Variants in ZNF683 observed in about 807,000 individuals in gnomAD.
ZNF683 encodes zinc finger protein 683.
In ZNF683, 20 loss-of-function variants were observed where a neutral mutation model predicts 31.4. The observed-to-expected ratio is 0.64, with a 90% confidence interval of 0.45 to 0.93. The LOEUF is 0.93. Ranked by LOEUF, ZNF683 falls within the 40% of genes least tolerant of loss-of-function variation. The pLI, the probability that ZNF683 is intolerant of heterozygous loss-of-function variation, is 0.00. For missense variants in ZNF683, 621 were observed against 637.2 expected (o/e 0.97, Z 0.27); for synonymous variants, 264 against 267.6 (o/e 0.99, Z 0.13).
At chr1:26,364,433 C>T in intron 4 of ZNF683, 99 bp downstream of exon 4, 1 of 1,388,946 alleles carries the variant, frequency 7.2e-7, no homozygotes, top group Non-Finnish European at 1.0e-6. Context: ...CCCAGGAGTG[C>T]CTTCTAGCTT....
intron 5 of ZNF683, 143 bp downstream of exon 5, chr1:26,362,883 G>T: frequency 8.9e-7 from 1 of 1,129,056 alleles, no homozygotes; most frequent in Non-Finnish European, 1.2e-6. Flanking sequence ...GCTGAGAGGA[G>T]TCATTTTCAA....
At chr1:26,374,006 C>G (rs1179814253), upstream of ZNF683, among the ~76,000 whole-genome samples, 1 of 151,530 alleles carries the variant, frequency 6.6e-6, no homozygotes, top group African/African-American at 2.4e-5. Flanking sequence ...TCAGCTTCCC[C>G]CACTACGACA....
chr1:26,372,601 C>G (rs912231226), intron 1 of ZNF683, 68 bp downstream of exon 1: 1 of 1,304,786 alleles, frequency 7.7e-7, no homozygotes, highest in East Asian at 5.5e-5. Flanking sequence ...TCTCAGAACA[C>G]CTTGCACAAC....
At chr1:26,362,269 C>G (rs2074406063) in intron 5 of ZNF683, 1 of 1,268,000 alleles carries the variant, frequency 7.9e-7, no homozygotes, top group African/African-American at 1.5e-5. Flanking sequence ...CCTTCCTCTC[C>G]TCATTGGTAA....
intron 5 of ZNF683, chr1:26,362,268 C>T: frequency 7.8e-7 from 1 of 1,275,712 alleles, no homozygotes. Context: ...GCCTTCCTCT[C>T]CTCATTGGTA....
chr1:26,363,979 C>G (rs2074452293), intron 4 of ZNF683, among the ~76,000 whole-genome samples: 1 of 152,214 alleles, frequency 6.6e-6, no homozygotes, highest in Non-Finnish European at 1.5e-5. Flanking sequence ...TGCTAACGCA[C>G]TGAGATGCGC....
At position 26,361,869 on chromosome 1, in the gene ZNF683, A is replaced by G; in HGVS notation, c.1297T>C (p.Cys433Arg). 5 of 1,614,020 alleles carry G rather than the reference A, an allele frequency of 3.1e-6. No homozygotes were observed. Among genetic ancestry groups the G allele is most frequent in the Non-Finnish European group, 4.2e-6 (5 of 1,179,904 alleles). Residue 433 changes from cysteine to arginine, a missense_variant, in exon 6 of 6, where the codon TGT becomes CGT. Physicochemically the swap from Cys to Arg is radical, Grantham distance 180. Coordinates refer to ENST00000349618, the MANE Select transcript of ZNF683 (RefSeq NM_001114759.3). ...GGCAGCTGGGTGTGCACCAGGCCAC[A>G]GGGCTGTGGGGCATGCAGCCGATGG... ...LHHRLHAPQP[C>R]GLVHTQLPLA...
chr1:26,366,161 C>A (rs1226360059), intron 3 of ZNF683, among the ~76,000 whole-genome samples: 1 of 151,778 alleles, frequency 6.6e-6, no homozygotes, highest in African/African-American at 2.4e-5. Flanking sequence ...GCCTGGGCAA[C>A]AAAAGCGAAA....
At chr1:26,368,128 A>G (rs1205684234) in intron 2 of ZNF683, among the ~76,000 whole-genome samples, 1 of 152,128 alleles carries the variant, frequency 6.6e-6, no homozygotes, top group Non-Finnish European at 1.5e-5. Flanking sequence ...CACCAAGTTG[A>G]GCACAAAGAA....
chr1:26,363,689 G>A (rs12122817), intron 4 of ZNF683, among the ~76,000 whole-genome samples: 13,852 of 145,520 alleles, frequency 0.095, 668 homozygotes, highest in Middle Eastern at 0.12. Flanking sequence ...AATCCCTTAA[G>A]CCCAGGAGTT....
upstream of ZNF683, among the ~76,000 whole-genome samples, chr1:26,373,848 C>T (rs1240709299): frequency 6.6e-6 from 1 of 152,118 alleles, no homozygotes; most frequent in East Asian, 1.9e-4. Context: ...TGGCACTGTG[C>T]TAGGGGCTTC....
At chr1:26,367,414 A>G (rs1366856960) in intron 3 of ZNF683, among the ~76,000 whole-genome samples, 179 bp downstream of exon 3, 1 of 152,088 alleles carries the variant, frequency 6.6e-6, no homozygotes. Context: ...TCACCACTCG[A>G]AAGCCCCCTG....
chr1:26,362,276 G>A, intron 5 of ZNF683: 2 of 1,172,966 alleles, frequency 1.7e-6, no homozygotes, highest in Non-Finnish European at 2.5e-6. Context: ...CTCCTCATTG[G>A]TAACATTGGT....
chr1:26,362,483 G>C (rs1303083402), intron 5 of ZNF683, among the ~76,000 whole-genome samples: 3 of 152,132 alleles, frequency 2.0e-5, no homozygotes, highest in Non-Finnish European at 4.4e-5. Context: ...CTATATTATA[G>C]TAAGAAAGCA....
Position 26,364,942 on chromosome 1 carries a change from G to C in ZNF683, c.604C>G (p.Pro202Ala). Residue 202 changes from proline to alanine, a missense_variant, in exon 4 of 6, where the codon CCA becomes GCA. Coordinates refer to ENST00000349618, the MANE Select transcript of ZNF683 (RefSeq NM_001114759.3). ...FYPGYPLLLP[P>A]PHLFTYGALP... ...GCCCCATAGGTGAACAGGTGGGGTG[G>C]AGGCAGGAGAAGTGGGTATCCAGGG... is the stretch of plus-strand genomic sequence containing the variant. 1.3e-6 allele frequency: 2 copies of C among 1,556,328 alleles called. No individual in the cohort carries two copies. The highest frequency in any genetic ancestry group is 1.7e-6 in the Non-Finnish European group (2 of 1,154,776).
At chr1:26,365,423 G>T (rs1434058078) in intron 3 of ZNF683, among the ~76,000 whole-genome samples, 197 bp from the exon 4 acceptor site, 1 of 152,202 alleles carries the variant, frequency 6.6e-6, no homozygotes, top group Non-Finnish European at 1.5e-5. Context: ...AGCCAAGTGG[G>T]CAGATGGATA....
At chr1:26,368,338 G>C in intron 2 of ZNF683, 120 bp downstream of exon 2, 2 of 1,240,574 alleles carry the variant, frequency 1.6e-6, no homozygotes, top group Non-Finnish European at 2.1e-6. Flanking sequence ...GCCTGGGATA[G>C]GGGGTGCTCA....
chr1:26,362,922 G>A, intron 5 of ZNF683, 104 bp downstream of exon 5: 1 of 1,435,014 alleles, frequency 7.0e-7, no homozygotes, highest in Non-Finnish European at 9.4e-7. Flanking sequence ...ATCTCCACTT[G>A]CTCAGGAGGA....
In ZNF683 at chr1:26,365,133, G is replaced by A; in HGVS notation, c.413C>T (p.Pro138Leu). The A allele has an allele frequency of 6.2e-7, 1 of 1,609,136 alleles. No individual in the cohort carries two copies. Among genetic ancestry groups the A allele is most frequent in the Non-Finnish European group, 8.5e-7 (1 of 1,177,742 alleles). The change falls in exon 4 of 6, where the codon CCA becomes CTA. Residue 138 changes from proline (P) to leucine (L), a missense_variant. Physicochemically the swap from Pro to Leu is moderately conservative, Grantham distance 98 (BLOSUM62 -3). Transcript: ENST00000349618. The part of the protein sequence containing the change: ...PQNKDKLGKQ[P>L]ERAGEGAPCP... ...GGGGGCCCCCTCGCCAGCTCTTTCT[G>A]GCTGTTTTCCCAGCTTGTCCTTGTT...
Sources: gnomAD v4.1 joint callset for allele counts (sites outside exome capture counted in the v4.1 genomes callset) on GRCh38, gnomAD v4.1.1 for gene constraint, MANE v1.5 for transcripts, NCBI Gene and HGNC (gene_info 2026-07-23, HGNC 2026-07-21) for gene names.